The following TRIP4 variants were observed in gnomAD, a reference collection of about 807,000 sequenced individuals.
TRIP4 encodes thyroid hormone receptor interactor 4.
In TRIP4, 54 loss-of-function variants were observed where a neutral mutation model predicts 81.8. That is an observed-to-expected ratio of 0.66 (90% CI 0.53 to 0.83). TRIP4 has a LOEUF of 0.83. Ranked by LOEUF, TRIP4 falls within the 40% of genes least tolerant of loss-of-function variation. The pLI, the probability that TRIP4 is intolerant of heterozygous loss-of-function variation, is 0.00. For synonymous variants in TRIP4, 270 were observed against 242.8 expected (o/e 1.11, Z -1.04); for missense variants, 662 against 683.6 (o/e 0.97, Z 0.35).
At chr15:64,418,868 AT>A (rs1435294670) in intron 9 of TRIP4, 140 bp downstream of exon 9, 2 of 766,136 alleles carry the variant, frequency 2.6e-6, no homozygotes, top group Non-Finnish European at 3.8e-6. Context: ...TGAACAACAT[AT>A]TCATGTTACT....
At chr15:64,421,392 A>G (rs990403769) in intron 9 of TRIP4, among the ~76,000 whole-genome samples, 3 of 149,322 alleles carry the variant, frequency 2.0e-5, no homozygotes, top group African/African-American at 7.4e-5. Context: ...GCTGGAGTGC[A>G]GTGGCATGAT....
intron 12 of TRIP4, among the ~76,000 whole-genome samples, chr15:64,445,673 A>C (rs1226250948): frequency 7.3e-5 from 11 of 151,058 alleles, no homozygotes; most frequent in African/African-American, 2.4e-4. Context: ...GTCTCAAAAA[A>C]AAAAAAAAAA....
chr15:64,413,440 G>A (rs1442545114), intron 7 of TRIP4, among the ~76,000 whole-genome samples: 3 of 152,100 alleles, frequency 2.0e-5, no homozygotes, highest in Non-Finnish European at 4.4e-5. Flanking sequence ...GCCTATGATA[G>A]TGTTGGAATT....
Position 64,406,434 on chromosome 15 carries a change from A to C in TRIP4, c.802A>C (p.Lys268Gln). The C allele has an allele frequency of 6.2e-7, 1 of 1,614,118 alleles. No homozygotes were observed. The highest frequency in any genetic ancestry group is 8.5e-7 in the Non-Finnish European group (1 of 1,180,010). The change falls in exon 6 of 13, where the codon AAA (lysine) becomes CAA (glutamine). Residue 268 changes from lysine to glutamine, a missense_variant. Coordinates refer to ENST00000261884, the MANE Select transcript of TRIP4 (RefSeq NM_016213.5). The stretch of plus-strand genomic sequence containing the variant: ...GGAGAAGGCTATCAAGCATAAAGAC[A>C]AACTGTTAGAGTTTGACAGAACTAG... ...GLEKAIKHKDKLLEFDRTSIR... is the reference protein window; with the variant it reads ...GLEKAIKHKDQLLEFDRTSIR...
chr15:64,441,263 T>C (rs1244915905), intron 11 of TRIP4, among the ~76,000 whole-genome samples: 1 of 151,894 alleles, frequency 6.6e-6, no homozygotes, highest in Admixed American at 6.6e-5. Flanking sequence ...CCCAAAGTGC[T>C]GGGATTACAG....
chr15:64,399,251 G>A (rs1268369728), intron 4 of TRIP4, among the ~76,000 whole-genome samples: 2 of 151,518 alleles, frequency 1.3e-5, no homozygotes, highest in African/African-American at 2.4e-5. Flanking sequence ...CGTGCCTGGT[G>A]GGACCCTTAA....
chr15:64,425,330 CAT>C (rs1362396566), intron 10 of TRIP4, among the ~76,000 whole-genome samples: 2 of 152,140 alleles, frequency 1.3e-5, no homozygotes, highest in Non-Finnish European at 2.9e-5. Context: ...TCTAGCTTAA[CAT>C]GTGGATAGTG....
chr15:64,447,282 G>C (rs1892655977), intron 12 of TRIP4, among the ~76,000 whole-genome samples: 1 of 152,064 alleles, frequency 6.6e-6, no homozygotes, highest in Non-Finnish European at 1.5e-5. Flanking sequence ...ATGATTCTAG[G>C]GCATGCATTG....
chr15:64,431,847 A>ATATATTT, intron 11 of TRIP4, among the ~76,000 whole-genome samples: 1,912 of 119,522 alleles, frequency 0.016, 57 homozygotes, highest in African/African-American at 0.046. Context: ...ATATATATAT[A>ATATATTT]TTTTTTTTAT....
intron 11 of TRIP4, among the ~76,000 whole-genome samples, chr15:64,431,847 A>ATTTTTTTTTT: frequency 8.4e-6 from 1 of 119,544 alleles, no homozygotes; most frequent in Non-Finnish European, 1.6e-5. Context: ...ATATATATAT[A>ATTTTTTTTTT]TTTTTTTTAT....
intron 12 of TRIP4, chr15:64,450,600 G>A (rs1892736528): frequency 2.2e-6 from 1 of 452,130 alleles, no homozygotes; most frequent in Admixed American, 2.4e-5. Flanking sequence ...TAGACGTTAA[G>A]GATACAAAAT....
chr15:64,440,997 T>A (rs946796126), intron 11 of TRIP4, among the ~76,000 whole-genome samples: 4 of 152,094 alleles, frequency 2.6e-5, no homozygotes, highest in Non-Finnish European at 5.9e-5. Context: ...TTCATTTTTT[T>A]TTTTTTTATT....
Position 64,409,633 on chromosome 15 carries a change from T to C in TRIP4, c.848T>C (p.Ile283Thr). The C allele has an allele frequency of 6.2e-6, 10 of 1,614,188 alleles. No individual in the cohort carries two copies. The highest frequency in any genetic ancestry group is 8.5e-6 in the Non-Finnish European group (10 of 1,180,020). The change falls in exon 7 of 13, where the codon ATT becomes ACT. Residue 283 changes from isoleucine to threonine, a missense_variant. Transcript: ENST00000261884. ...DRTSIRRTQV[I>T]DDESDYFASD... Reference sequence around the variant, plus strand: ...CTCAGTATTCGAAGGACCCAAGTCATTGATGATGAGTCAGATTACTTTGCC... The same window carrying C: ...CTCAGTATTCGAAGGACCCAAGTCACTGATGATGAGTCAGATTACTTTGCC...
intron 11 of TRIP4, among the ~76,000 whole-genome samples, chr15:64,432,949 A>G (rs1011092313): frequency 6.6e-6 from 1 of 151,588 alleles, no homozygotes; most frequent in Non-Finnish European, 1.5e-5. Flanking sequence ...AAATAAATAA[A>G]CACTTGAGAG....
intron 7 of TRIP4, among the ~76,000 whole-genome samples, chr15:64,413,653 G>A (rs186628374): frequency 1.5e-3 from 221 of 151,984 alleles, no homozygotes; most frequent in Non-Finnish European, 7.5e-4. Context: ...GCAGTGGCAC[G>A]ATCTCGGCTC....
chr15:64,427,525 A>G (rs1434303002), intron 11 of TRIP4, among the ~76,000 whole-genome samples: 1 of 151,910 alleles, frequency 6.6e-6, no homozygotes, highest in African/African-American at 2.4e-5. Context: ...CAGGCACCAC[A>G]CCACCATGCC....
intron 11 of TRIP4, among the ~76,000 whole-genome samples, chr15:64,429,566 C>T (rs1192683660): frequency 5.3e-5 from 8 of 152,178 alleles, no homozygotes; most frequent in Non-Finnish European, 1.2e-4. Context: ...TTATGACTCT[C>T]TATGAGGTGG....
chr15:64,418,807 G>A lies in TRIP4; in HGVS notation c.1358+79G>A, dbSNP rs1891944797. On this transcript the variant is annotated intron_variant, in intron 9 of 12. Coordinates refer to ENST00000261884, the MANE Select transcript of TRIP4 (RefSeq NM_016213.5). ...AATTTAGAAATATGAATTGGAATTA[G>A]TTTTCCTCAATCTAGTGATGATTTA... 3 of 1,356,562 alleles carry A rather than the reference G, an allele frequency of 2.2e-6. No individual in the cohort carries two copies. The Admixed American group carries it at 8.5e-5, about 39-fold the overall frequency. 84.0% of individuals were successfully genotyped at this position (1,356,562 alleles called of 1,614,324 possible). A position where few individuals can be genotyped will look rare whatever the true frequency, so the allele number is the denominator to read the frequency against.
At position 64,397,589 on chromosome 15, in the gene TRIP4, A is replaced by T; in HGVS notation, c.406-17A>T. The stretch of plus-strand genomic sequence containing the variant: ...TCATTAATTATTTGATGTTATTTTG[A>T]TGTCTTTGTACGATAGGCACAAGAG... On this transcript the variant is annotated splice_polypyrimidine_tract_variant and intron_variant, in intron 3 of 12. Coordinates refer to ENST00000261884, the MANE Select transcript of TRIP4 (RefSeq NM_016213.5). 1 of 1,603,064 alleles carries T rather than the reference A, an allele frequency of 6.2e-7. No homozygotes were observed. Among genetic ancestry groups the T allele is most frequent in the Non-Finnish European group, 8.5e-7 (1 of 1,171,480 alleles).
Sources: gnomAD v4.1 joint callset for allele counts (sites outside exome capture counted in the v4.1 genomes callset) on GRCh38, gnomAD v4.1.1 for gene constraint, MANE v1.5 for transcripts, NCBI Gene and HGNC (gene_info 2026-07-23, HGNC 2026-07-21) for gene names.